PTPRD: variants seen among roughly 807,000 people sequenced by gnomAD.
The protein encoded by PTPRD is receptor-type tyrosine-protein phosphatase delta.
In PTPRD, 34 loss-of-function variants were observed where a neutral mutation model predicts 214.5. The observed-to-expected ratio is 0.16, with a 90% CI of 0.12 to 0.21. PTPRD has a LOEUF of 0.21. PTPRD is among the 10% of genes least tolerant of loss of function. The pLI is 1.00. For missense variants in PTPRD, 2,545 were observed against 2,398.7 expected, an observed-to-expected ratio of 1.06 and a Z score of -1.27; for synonymous variants, 1,128 against 845.7, an observed-to-expected ratio of 1.33 and a Z score of -5.79.
At chr9:8,613,440 C>T (rs554362231) in intron 14 of PTPRD, among the ~76,000 whole-genome samples, 73 of 152,234 alleles carry the variant, frequency 4.8e-4, no homozygotes, top group Non-Finnish European at 1.3e-4. Flanking sequence ...ACTTGAGAGA[C>T]TATTCTGCTA....
At chr9:9,613,479 T>G (rs779188814) in intron 7 of PTPRD, among the ~76,000 whole-genome samples, 9 of 152,098 alleles carry the variant, frequency 5.9e-5, no homozygotes, top group Non-Finnish European at 8.8e-5. Flanking sequence ...ATTCTTGCCC[T>G]TGTTGTGAGT....
At chr9:8,472,812 G>A (rs891431817) in intron 30 of PTPRD, among the ~76,000 whole-genome samples, 5 of 152,150 alleles carry the variant, frequency 3.3e-5, no homozygotes, top group East Asian at 3.9e-4. Flanking sequence ...TTTGCTGGAC[G>A]GCACTGCTCT....
rs544315144 is a variant in PTPRD at position 9,851,200 on chromosome 9, G to A, written c.-367-84349C>T. Among the ~76,000 whole-genome samples the A allele has an allele frequency of 2.0e-4, 31 of 152,268 alleles. 1 individual carries two copies. The highest frequency in any genetic ancestry group is 3.4e-3 in the Middle Eastern group (1 of 294). On this transcript the variant is annotated intron_variant, in intron 5 of 45. Coordinates refer to ENST00000381196, the MANE Select transcript of PTPRD (RefSeq NM_002839.4). ...TACTATTTTAATAGAAATAATATAAGCAAAAGTAGAATTAGTATTACAGGC... is the reference window on the plus strand; with the variant it reads ...TACTATTTTAATAGAAATAATATAAACAAAAGTAGAATTAGTATTACAGGC...
intron 10 of PTPRD, among the ~76,000 whole-genome samples, chr9:9,020,376 G>C (rs1340911260): frequency 5.9e-5 from 9 of 152,146 alleles, no homozygotes; most frequent in Non-Finnish European, 1.0e-4. Flanking sequence ...GGAGGAGACA[G>C]TGATTGGAAG....
chr9:10,107,687 A>T (rs968335215), intron 3 of PTPRD, among the ~76,000 whole-genome samples: 1 of 152,054 alleles, frequency 6.6e-6, no homozygotes, highest in Admixed American at 6.6e-5. Context: ...TTTTAGTCTA[A>T]TTGTTTCCAC....
At chr9:9,823,136 T>C (rs2051380072) in intron 5 of PTPRD, among the ~76,000 whole-genome samples, 1 of 152,118 alleles carries the variant, frequency 6.6e-6, no homozygotes, top group Non-Finnish European at 1.5e-5. Context: ...CATTCTTGCA[T>C]TGCTATAAAG....
intron 10 of PTPRD, among the ~76,000 whole-genome samples, chr9:9,092,883 G>T (rs80259903): frequency 0.044 from 6,672 of 151,706 alleles, 304 homozygotes; most frequent in African/African-American, 0.11. Context: ...TTAAAATACA[G>T]AAATTTTCAG....
intron 3 of PTPRD, among the ~76,000 whole-genome samples, chr9:10,292,938 G>C: frequency 6.6e-6 from 1 of 151,714 alleles, no homozygotes. Context: ...ACAAATAATG[G>C]CCAATACTAC....
intron 8 of PTPRD, among the ~76,000 whole-genome samples, chr9:9,566,848 G>A (rs771624140): frequency 2.6e-5 from 4 of 151,928 alleles, no homozygotes; most frequent in African/African-American, 4.8e-5. Flanking sequence ...GAAATGCTCC[G>A]AACATTCGCT....
chr9:9,870,732 G>A (rs927050536), intron 5 of PTPRD, among the ~76,000 whole-genome samples: 10 of 152,022 alleles, frequency 6.6e-5, no homozygotes, highest in South Asian at 4.1e-4. Context: ...ACTGATGTTC[G>A]CAATCTAATA....
At chr9:8,336,443 T>A in intron 43 of PTPRD, among the ~76,000 whole-genome samples, 1 of 133,840 alleles carries the variant, frequency 7.5e-6, no homozygotes. Context: ...AAAAATTAAC[T>A]CAAGATGGAT....
chr9:8,700,396 T>G (rs10481623), intron 12 of PTPRD, among the ~76,000 whole-genome samples: 44,348 of 152,146 alleles, frequency 0.29, 7,177 homozygotes, highest in Admixed American at 0.36. Context: ...ATCATCATGA[T>G]GTACTTAAAT....
chr9:10,006,271 T>A (rs556590925), intron 4 of PTPRD, among the ~76,000 whole-genome samples: 2 of 152,164 alleles, frequency 1.3e-5, no homozygotes, highest in East Asian at 3.9e-4. Flanking sequence ...TACTTAGCAT[T>A]TGATACAAGC....
chr9:8,345,943 CCTT>C (rs1857198603), intron 39 of PTPRD, among the ~76,000 whole-genome samples: 1 of 152,070 alleles, frequency 6.6e-6, no homozygotes, highest in South Asian at 2.1e-4. Flanking sequence ...AAAGTTCTGT[CCTT>C]CTTTCTCTCA....
chr9:9,338,505 ATATTT>A (rs1238776734), intron 9 of PTPRD, among the ~76,000 whole-genome samples: 5 of 152,138 alleles, frequency 3.3e-5, no homozygotes, highest in African/African-American at 1.2e-4. Flanking sequence ...TAATGTTTTT[ATATTT>A]TATAAGATAT....
chr9:10,435,448 A>G (rs974055117), intron 2 of PTPRD, among the ~76,000 whole-genome samples: 2 of 151,918 alleles, frequency 1.3e-5, no homozygotes, highest in African/African-American at 4.8e-5. Context: ...TGATTTGCTC[A>G]TGGTCTTATG....
intron 12 of PTPRD, among the ~76,000 whole-genome samples, chr9:8,724,892 C>T (rs1286954356): frequency 2.0e-5 from 3 of 152,036 alleles, no homozygotes; most frequent in African/African-American, 4.8e-5. Context: ...GAGCCGAGAT[C>T]GCGTCACTGC....
At chr9:9,984,888 A>G (rs760976145) in intron 4 of PTPRD, among the ~76,000 whole-genome samples, 2 of 152,142 alleles carry the variant, frequency 1.3e-5, no homozygotes, top group African/African-American at 2.4e-5. Context: ...CTCCTGACCA[A>G]CCATGCACAC....
At chr9:8,488,788 G>C (rs1001908090) in intron 27 of PTPRD, among the ~76,000 whole-genome samples, 1 of 152,170 alleles carries the variant, frequency 6.6e-6, no homozygotes, top group African/African-American at 2.4e-5. Flanking sequence ...TTAAACACCT[G>C]AGTCTCTGCT....
Sources: gnomAD v4.1 joint callset for allele counts (sites outside exome capture counted in the v4.1 genomes callset) on GRCh38, gnomAD v4.1.1 for gene constraint, MANE v1.5 for transcripts, NCBI Gene and HGNC (gene_info 2026-07-23, HGNC 2026-07-21) for gene names.